Variants in CTIF observed in about 807,000 individuals in gnomAD.
CTIF encodes cap binding complex dependent translation initiation factor.
CTIF carries 21 observed loss-of-function variants against 66.0 expected under a neutral mutation model. The ratio of observed to expected loss-of-function variants is 0.32; its 90% CI spans 0.23 to 0.46. CTIF has a LOEUF of 0.46. Ranked by LOEUF, CTIF falls within the 20% of genes least tolerant of loss-of-function variation. The pLI, the probability that CTIF is intolerant of heterozygous loss-of-function variation, is 1.00. For missense variants in CTIF, 739 were observed against 812.7 expected, an observed-to-expected ratio of 0.91 and a Z score of 1.10; for synonymous variants, 345 against 326.4, an observed-to-expected ratio of 1.06 and a Z score of -0.62.
At chr18:48,577,242 A>G (rs894573262) in intron 1 of CTIF, among the ~76,000 whole-genome samples, 1 of 152,214 alleles carries the variant, frequency 6.6e-6, no homozygotes, top group Admixed American at 6.5e-5. Flanking sequence ...TTAGGTTTTT[A>G]AGGTGGGTGA....
At chr18:48,663,615 ACT>A (rs778821878) in intron 3 of CTIF, 135 bp from the exon 4 acceptor site, 43 of 750,978 alleles carry the variant, frequency 5.7e-5, no homozygotes, top group Non-Finnish European at 8.4e-5. Context: ...CAGTCCCCTG[ACT>A]CTGACTGGGT....
intron 7 of CTIF, among the ~76,000 whole-genome samples, chr18:48,719,461 C>CT (rs2092312514): frequency 6.6e-6 from 1 of 152,158 alleles, no homozygotes; most frequent in African/African-American, 2.4e-5. Context: ...TACATCAGCT[C>CT]ATTCACATGA....
intron 9 of CTIF, among the ~76,000 whole-genome samples, chr18:48,774,614 C>A (rs1238819516): frequency 6.6e-6 from 1 of 152,104 alleles, no homozygotes; most frequent in South Asian, 2.1e-4. Context: ...TCAAAATCGT[C>A]CCCCCTCCAG....
chr18:48,713,729 G>A (rs1451702628), intron 7 of CTIF, among the ~76,000 whole-genome samples: 2 of 152,196 alleles, frequency 1.3e-5, no homozygotes, highest in Non-Finnish European at 2.9e-5. Context: ...GATTTATACG[G>A]AGAGATGAGG....
chr18:48,705,857 G>A (rs890543269), intron 6 of CTIF, among the ~76,000 whole-genome samples: 1 of 152,252 alleles, frequency 6.6e-6, no homozygotes, highest in African/African-American at 2.4e-5. Flanking sequence ...CTCCCAAGAA[G>A]TCCTCGGTCC....
At position 48,619,634 on chromosome 18, in the gene CTIF, G is replaced by A. The variant is rs145610852; in HGVS notation, c.69G>A (p.Glu23=). The A allele has an allele frequency of 8.2e-5, 131 of 1,605,672 alleles. No individual in the cohort carries two copies. Among genetic ancestry groups the A allele is most frequent in the Non-Finnish European group, 1.1e-4 (125 of 1,176,478 alleles). The change falls in exon 2 of 12, where the codon GAG becomes GAA. Residue 23 remains glutamate (E), a synonymous_variant. Transcript: ENST00000256413. ...AGSSRSQEIE[E]LERFIDSYVL... ...GCAGCCGCTCCCAGGAGATCGAGGAGCTGGAGCGCTTCATCGACAGCTACG... is the reference window on the plus strand; with the variant it reads ...GCAGCCGCTCCCAGGAGATCGAGGAACTGGAGCGCTTCATCGACAGCTACG...
chr18:48,581,691 T>G (rs2089661285), intron 1 of CTIF, among the ~76,000 whole-genome samples: 1 of 152,182 alleles, frequency 6.6e-6, no homozygotes, highest in South Asian at 2.1e-4. Context: ...TTCTTTTTGT[T>G]GCCTGCACAG....
At chr18:48,664,612 G>C (rs1453079276) in intron 5 of CTIF, 61 bp downstream of exon 5, 2 of 1,433,012 alleles carry the variant, frequency 1.4e-6, no homozygotes, top group East Asian at 2.3e-5. Context: ...AGTGGCCTTT[G>C]CCTCCACAGG....
chr18:48,635,351 C>T (rs1465086370), intron 2 of CTIF, among the ~76,000 whole-genome samples: 7 of 125,406 alleles, frequency 5.6e-5, no homozygotes. Flanking sequence ...TTTTTTGAGG[C>T]TCACTCTGTC....
chr18:48,677,454 A>G (rs1031607398), intron 6 of CTIF, among the ~76,000 whole-genome samples: 26 of 152,368 alleles, frequency 1.7e-4, no homozygotes, highest in Non-Finnish European at 3.4e-4. Context: ...TGAGAATTCA[A>G]CAAGGAGCGT....
intron 6 of CTIF, among the ~76,000 whole-genome samples, chr18:48,674,117 C>T (rs2091585061): frequency 6.6e-6 from 1 of 152,258 alleles, no homozygotes; most frequent in South Asian, 2.1e-4. Flanking sequence ...AACTCATCTT[C>T]ATGGACAAGT....
intron 9 of CTIF, among the ~76,000 whole-genome samples, chr18:48,788,077 C>G (rs910953372): frequency 6.6e-6 from 1 of 151,470 alleles, no homozygotes; most frequent in African/African-American, 2.5e-5. Flanking sequence ...GAGCTGGGAC[C>G]CCCCCTTTCA....
chr18:48,723,394 G>C (rs2092358852), intron 7 of CTIF, among the ~76,000 whole-genome samples: 1 of 152,132 alleles, frequency 6.6e-6, no homozygotes, highest in African/African-American at 2.4e-5. Flanking sequence ...CTCAGACAGG[G>C]TCACCCACCC....
intron 1 of CTIF, among the ~76,000 whole-genome samples, chr18:48,618,805 G>A (rs1385850338): frequency 1.3e-5 from 2 of 152,250 alleles, no homozygotes; most frequent in Non-Finnish European, 2.9e-5. Context: ...GAGAGGGTGC[G>A]AGGGCTAATG....
chr18:48,841,052 A>G (rs968430641), intron 10 of CTIF, among the ~76,000 whole-genome samples: 1 of 152,114 alleles, frequency 6.6e-6, no homozygotes, highest in African/African-American at 2.4e-5. Context: ...TCCCTTTTCT[A>G]AGTCCTCCAA....
intron 6 of CTIF, among the ~76,000 whole-genome samples, chr18:48,699,011 C>A (rs914013584): frequency 1.6e-4 from 24 of 152,120 alleles, no homozygotes; most frequent in African/African-American, 5.8e-4. Flanking sequence ...ACGTTTCAAC[C>A]CTCTGTCCCT....
intron 4 of CTIF, 98 bp from the exon 5 acceptor site, chr18:48,664,349 C>T: frequency 2.8e-6 from 3 of 1,090,030 alleles, no homozygotes; most frequent in South Asian, 2.6e-5. Context: ...CTCCTTTCTG[C>T]GGATCTGCTC....
chr18:48,690,018 A>G (rs138469443), intron 6 of CTIF, among the ~76,000 whole-genome samples: 88 of 152,306 alleles, frequency 5.8e-4, no homozygotes, highest in African/African-American at 2.0e-3. Flanking sequence ...ACATTAGTTC[A>G]GTAGCTTCTG....
chr18:48,603,008 G>A (rs1189278640), intron 1 of CTIF, among the ~76,000 whole-genome samples: 1 of 151,074 alleles, frequency 6.6e-6, no homozygotes, highest in East Asian at 2.0e-4. Context: ...TGAATGAATG[G>A]GTAGATGAAT....
Sources: gnomAD v4.1 joint callset for allele counts (sites outside exome capture counted in the v4.1 genomes callset) on GRCh38, gnomAD v4.1.1 for gene constraint, MANE v1.5 for transcripts, NCBI Gene and HGNC (gene_info 2026-07-23, HGNC 2026-07-21) for gene names.